TOX3: variants seen among roughly 807,000 people sequenced by gnomAD.
The protein encoded by TOX3 is TOX high mobility group box family member 3.
TOX3 carries 22 observed loss-of-function variants against 64.3 expected under a neutral mutation model. The ratio of observed to expected loss-of-function variants is 0.34; its 90% CI spans 0.24 to 0.49. The LOEUF (loss-of-function observed/expected upper bound fraction) is 0.49, where lower values mean the gene tolerates loss of function less well. Ranked by LOEUF, TOX3 falls within the 20% of genes least tolerant of loss-of-function variation. The pLI is 0.99. For synonymous variants in TOX3, 291 were observed against 273.6 expected, an observed-to-expected ratio of 1.06 and a Z score of -0.63; for missense variants, 661 against 714.4, an observed-to-expected ratio of 0.93 and a Z score of 0.85.
chr16:52,505,068 A>C (rs1353478412), intron 1 of TOX3, among the ~76,000 whole-genome samples: 3 of 152,074 alleles, frequency 2.0e-5, no homozygotes, highest in Non-Finnish European at 4.4e-5. Flanking sequence ...TCCTGACCTC[A>C]AATGCTCTGC....
chr16:52,444,501 A>T, intron 5 of TOX3, 145 bp from the exon 6 acceptor site: 2 of 246,946 alleles, frequency 8.1e-6, no homozygotes, highest in Non-Finnish European at 7.6e-6. Context: ...TAGCGCATGC[A>T]CACACACACA....
intron 1 of TOX3, among the ~76,000 whole-genome samples, chr16:52,501,450 T>C (rs1961997321): frequency 6.6e-6 from 1 of 152,064 alleles, no homozygotes; most frequent in South Asian, 2.1e-4. Context: ...GGCGGGCGGA[T>C]CACCTGAGGC....
chr16:52,511,551 G>C (rs1430123524), intron 1 of TOX3, among the ~76,000 whole-genome samples: 1 of 152,174 alleles, frequency 6.6e-6, no homozygotes, highest in African/African-American at 2.4e-5. Context: ...TAATACCAAA[G>C]AAGAGTGACT....
chr16:52,543,820 A>C (rs979235214), intron 1 of TOX3, among the ~76,000 whole-genome samples: 1 of 152,210 alleles, frequency 6.6e-6, no homozygotes, highest in East Asian at 1.9e-4. Flanking sequence ...GTACACTTTC[A>C]TGAGCACTGA....
intron 1 of TOX3, among the ~76,000 whole-genome samples, chr16:52,495,676 C>T (rs756361091): frequency 5.3e-5 from 8 of 152,184 alleles, no homozygotes; most frequent in African/African-American, 2.4e-5. Flanking sequence ...ACTACCACCA[C>T]GGTGTTAACA....
chr16:52,472,399 C>A (rs1161915520), intron 1 of TOX3, among the ~76,000 whole-genome samples: 1 of 151,946 alleles, frequency 6.6e-6, no homozygotes, highest in Admixed American at 6.6e-5. Context: ...TGTTCTAAGC[C>A]CTTTATTGAC....
chr16:52,524,178 C>G (rs1962673243), intron 1 of TOX3, among the ~76,000 whole-genome samples: 1 of 152,122 alleles, frequency 6.6e-6, no homozygotes, highest in Non-Finnish European at 1.5e-5. Flanking sequence ...TATTATGAAT[C>G]TCTACAATTC....
At chr16:52,470,367 C>T (rs186149726) in intron 1 of TOX3, among the ~76,000 whole-genome samples, 13 of 152,206 alleles carry the variant, frequency 8.5e-5, no homozygotes, top group African/African-American at 2.9e-4. Flanking sequence ...ACAACCTCAA[C>T]GTTATTTAAA....
At chr16:52,511,044 G>A (rs1016848585) in intron 1 of TOX3, among the ~76,000 whole-genome samples, 15 of 152,152 alleles carry the variant, frequency 9.9e-5, no homozygotes, top group African/African-American at 3.4e-4. Flanking sequence ...TTTCAAGAAT[G>A]CCTGGGGGTA....
intron 6 of TOX3, among the ~76,000 whole-genome samples, chr16:52,441,054 C>T (rs1384789734): frequency 2.6e-5 from 4 of 151,968 alleles, no homozygotes; most frequent in Non-Finnish European, 1.5e-5. Context: ...GAGCCACTAC[C>T]CCTGGCCAGG....
At chr16:52,465,953 C>T (rs1960852386) in intron 2 of TOX3, among the ~76,000 whole-genome samples, 1 of 152,284 alleles carries the variant, frequency 6.6e-6, no homozygotes, top group African/African-American at 2.4e-5. Context: ...ACCCCAAAAG[C>T]TGTCAGTTTC....
intron 1 of TOX3, among the ~76,000 whole-genome samples, chr16:52,518,335 A>G (rs919463616): frequency 4.6e-5 from 7 of 152,220 alleles, no homozygotes; most frequent in African/African-American, 1.7e-4. Context: ...CCAGAGCTGT[A>G]TAAATTTGAT....
intron 3 of TOX3, among the ~76,000 whole-genome samples, chr16:52,453,215 G>A (rs369504570): frequency 2.1e-5 from 3 of 144,372 alleles, no homozygotes; most frequent in African/African-American, 5.2e-5. Context: ...ATGGAGTCTC[G>A]CTCTGTTGCC....
At chr16:52,545,925 G>C (rs1963167981) in intron 1 of TOX3, among the ~76,000 whole-genome samples, 1 of 152,188 alleles carries the variant, frequency 6.6e-6, no homozygotes, top group South Asian at 2.1e-4. Flanking sequence ...GGAGAAGGTG[G>C]AGTGACCCCA....
intron 1 of TOX3, among the ~76,000 whole-genome samples, chr16:52,483,692 C>T (rs1479989205): frequency 6.6e-6 from 1 of 151,296 alleles, no homozygotes; most frequent in Non-Finnish European, 1.5e-5. Flanking sequence ...CCTCAGCCTC[C>T]CGAGTAGCTT....
At chr16:52,510,977 G>A (rs997752335) in intron 1 of TOX3, among the ~76,000 whole-genome samples, 3 of 151,856 alleles carry the variant, frequency 2.0e-5, no homozygotes, top group Non-Finnish European at 2.9e-5. Context: ...TCCATGTATT[G>A]GGTCATGAGA....
At chr16:52,461,203 A>T (rs1220552297) in intron 3 of TOX3, among the ~76,000 whole-genome samples, 1 of 152,176 alleles carries the variant, frequency 6.6e-6, no homozygotes, top group African/African-American at 2.4e-5. Flanking sequence ...AATAACACTT[A>T]GAGGTAACAA....
chr16:52,453,423 A>T (rs959044757), intron 3 of TOX3, among the ~76,000 whole-genome samples: 8 of 152,104 alleles, frequency 5.3e-5, no homozygotes, highest in African/African-American at 1.9e-4. Flanking sequence ...ACCTCAAGTG[A>T]TCTGCCAGCC....
At chr16:52,524,229 A>G (rs1567350406) in intron 1 of TOX3, among the ~76,000 whole-genome samples, 1 of 152,210 alleles carries the variant, frequency 6.6e-6, no homozygotes, top group Non-Finnish European at 1.5e-5. Flanking sequence ...CTATGGCATC[A>G]GAAAAAATAA....
Sources: allele counts gnomAD v4.1 joint callset (sites outside exome capture counted in the v4.1 genomes callset), GRCh38; gene constraint gnomAD v4.1.1; transcripts MANE v1.5; gene names NCBI Gene and HGNC (gene_info 2026-07-23, HGNC 2026-07-21).